The following SGCZ variants were observed in gnomAD, a reference collection of about 807,000 sequenced individuals.
The protein encoded by SGCZ is zeta-sarcoglycan.
Under a neutral mutation model 41.3 loss-of-function variants are expected in SGCZ, and 40 were observed. The observed-to-expected ratio is 0.97, with a 90% CI of 0.75 to 1.26. The LOEUF (loss-of-function observed/expected upper bound fraction) is 1.26. SGCZ is among the 50% of genes most tolerant of loss of function. The pLI, the probability that SGCZ is intolerant of heterozygous loss-of-function variation, is 0.00. For synonymous variants in SGCZ, 206 were observed against 137.5 expected (o/e 1.50, Z -3.49); for missense variants, 552 against 369.8 (o/e 1.49, Z -4.04).
chr8:14,253,490 A>T (rs1267088395), intron 3 of SGCZ, among the ~76,000 whole-genome samples: 3 of 152,146 alleles, frequency 2.0e-5, no homozygotes, highest in Non-Finnish European at 4.4e-5. Flanking sequence ...TTATGCCTCA[A>T]AGCTGACCCA....
intron 1 of SGCZ, among the ~76,000 whole-genome samples, chr8:15,033,530 C>T (rs1803762444): frequency 6.6e-6 from 1 of 152,086 alleles, no homozygotes; most frequent in African/African-American, 2.4e-5. Flanking sequence ...GCTCCAGGAG[C>T]ACCACTAGAG....
chr8:14,413,822 A>C (rs1286018840), intron 2 of SGCZ, among the ~76,000 whole-genome samples: 1 of 151,980 alleles, frequency 6.6e-6, no homozygotes, highest in Non-Finnish European at 1.5e-5. Context: ...TATGGTTTAG[A>C]TAGAACATAA....
At position 15,113,548 on chromosome 8, in the gene SGCZ, C is replaced by T. The variant is rs775277137; in HGVS notation, c.39+124037G>A. On this transcript the variant is annotated intron_variant, in intron 1 of 7. Coordinates refer to ENST00000382080, the MANE Select transcript of SGCZ (RefSeq NM_139167.4). The stretch of plus-strand genomic sequence containing the variant: ...CTCTCCTTTTCAAAACATCTGACTT[C>T]GGTGCCTGCCTTCCCATTACTCTTA... Among the ~76,000 whole-genome samples the T allele has an allele frequency of 5.9e-5, 9 of 152,150 alleles. No individual in the cohort carries two copies. In the South Asian group the frequency reaches 1.0e-3, roughly 18 times the overall value.
At chr8:14,779,384 A>G (rs1800513021) in intron 1 of SGCZ, among the ~76,000 whole-genome samples, 2 of 152,184 alleles carry the variant, frequency 1.3e-5, no homozygotes, top group Admixed American at 6.5e-5. Context: ...TTTATTGGAC[A>G]GATGAGTATG....
At position 14,571,180 on chromosome 8, in the gene SGCZ, G is replaced by C. The variant is rs575251341; in HGVS notation, c.40-16254C>G. On this transcript the variant is annotated intron_variant, in intron 1 of 7. Coordinates refer to ENST00000382080, the MANE Select transcript of SGCZ (RefSeq NM_139167.4). ...TGTCTGCAAGGTGGCGGGAAAGGGA[G>C]ATAGCAGGGGAAACCGCCACTTACA... Among the ~76,000 whole-genome samples the C allele has an allele frequency of 3.4e-3, 516 of 152,200 alleles. 3 individuals carry two copies. The highest frequency in any genetic ancestry group is 0.012 in the African/African-American group (498 of 41,522).
intron 1 of SGCZ, among the ~76,000 whole-genome samples, chr8:15,220,428 G>C (rs1203141478): frequency 6.6e-6 from 1 of 152,078 alleles, no homozygotes; most frequent in Non-Finnish European, 1.5e-5. Flanking sequence ...CAAAGCTCCA[G>C]GCCCTTGCAA....
At chr8:14,521,117 G>A (rs1250272966) in intron 2 of SGCZ, among the ~76,000 whole-genome samples, 1 of 152,078 alleles carries the variant, frequency 6.6e-6, no homozygotes, top group African/African-American at 2.4e-5. Flanking sequence ...AACACAGCCA[G>A]GATACTGACA....
intron 1 of SGCZ, among the ~76,000 whole-genome samples, chr8:14,668,393 C>T (rs1486872913): frequency 6.6e-6 from 1 of 152,038 alleles, no homozygotes; most frequent in Non-Finnish European, 1.5e-5. Flanking sequence ...CATTTGATTA[C>T]TTAAAAAAAT....
At chr8:15,106,701 A>C (rs1301759464) in intron 1 of SGCZ, among the ~76,000 whole-genome samples, 4 of 152,058 alleles carry the variant, frequency 2.6e-5, no homozygotes, top group African/African-American at 9.7e-5. Flanking sequence ...AATAGTTTCT[A>C]TTAATTCTTA....
chr8:14,365,404 A>G (rs532129389), intron 2 of SGCZ, among the ~76,000 whole-genome samples: 13 of 152,228 alleles, frequency 8.5e-5, no homozygotes, highest in African/African-American at 3.1e-4. Flanking sequence ...AAACTCAGTC[A>G]ACTAACAAAG....
At chr8:14,631,189 C>T (rs1365484104) in intron 1 of SGCZ, among the ~76,000 whole-genome samples, 1 of 151,952 alleles carries the variant, frequency 6.6e-6, no homozygotes, top group Non-Finnish European at 1.5e-5. Context: ...CCACTGGGAT[C>T]CTCCTCAGGG....
chr8:14,214,704 T>TA (rs1554479967), intron 4 of SGCZ, among the ~76,000 whole-genome samples: 17 of 151,658 alleles, frequency 1.1e-4, no homozygotes, highest in Non-Finnish European at 1.8e-4. Flanking sequence ...GTAATTTTTT[T>TA]AAAAAAAGCA....
At chr8:14,237,503 A>G (rs570118137) in intron 4 of SGCZ, 89 bp downstream of exon 4, 8 of 1,222,298 alleles carry the variant, frequency 6.5e-6, no homozygotes, top group South Asian at 5.1e-5. Context: ...CAACAACAAC[A>G]ACAACGACAA....
chr8:14,099,416 C>T (rs574910994), intron 7 of SGCZ, among the ~76,000 whole-genome samples: 2 of 152,232 alleles, frequency 1.3e-5, no homozygotes, highest in Non-Finnish European at 1.5e-5. Flanking sequence ...AAATCCGGCC[C>T]GGGACTCACA....
At chr8:14,351,365 A>C (rs1025253236) in intron 2 of SGCZ, among the ~76,000 whole-genome samples, 1 of 152,044 alleles carries the variant, frequency 6.6e-6, no homozygotes, top group Non-Finnish European at 1.5e-5. Context: ...CATGGATAGA[A>C]ATTTCTTCTT....
chr8:14,838,487 T>A (rs958818615), intron 1 of SGCZ, among the ~76,000 whole-genome samples: 3 of 152,054 alleles, frequency 2.0e-5, no homozygotes, highest in Non-Finnish European at 4.4e-5. Context: ...GCCTTCATCA[T>A]CCCAGGAGCA....
chr8:14,336,364 A>G (rs1834710), intron 2 of SGCZ, among the ~76,000 whole-genome samples: 58,503 of 151,956 alleles, frequency 0.39, 13,168 homozygotes, highest in South Asian at 0.71. Context: ...TGTTGATTCT[A>G]TGTCTTTGAT....
chr8:15,014,875 G>A (rs1225503182), intron 1 of SGCZ, among the ~76,000 whole-genome samples: 1 of 152,142 alleles, frequency 6.6e-6, no homozygotes, highest in African/African-American at 2.4e-5. Flanking sequence ...CTCTCTTTAG[G>A]CAAAAATAAG....
intron 1 of SGCZ, among the ~76,000 whole-genome samples, chr8:14,778,224 T>G (rs1800473609): frequency 6.6e-6 from 1 of 152,162 alleles, no homozygotes; most frequent in South Asian, 2.1e-4. Flanking sequence ...CTAAAAATCT[T>G]TATAAATTAT....
Sources: gnomAD v4.1 joint callset for allele counts (sites outside exome capture counted in the v4.1 genomes callset) on GRCh38, gnomAD v4.1.1 for gene constraint, MANE v1.5 for transcripts, NCBI Gene and HGNC (gene_info 2026-07-23, HGNC 2026-07-21) for gene names.